Variants in WAPL observed in about 807,000 individuals in gnomAD.
WAPL encodes the protein wings apart-like protein homolog.
In WAPL, 5 loss-of-function variants were observed where a neutral mutation model predicts 121.0. That is an observed-to-expected ratio of 0.04 (90% CI 0.02 to 0.09). The LOEUF (loss-of-function observed/expected upper bound fraction) is 0.09, where lower values mean the gene tolerates loss of function less well. Ranked by LOEUF, WAPL falls within the 10% of genes least tolerant of loss-of-function variation. The pLI, the probability that WAPL is intolerant of heterozygous loss-of-function variation, is 1.00. For missense variants in WAPL, 999 were observed against 1,410.8 expected, an observed-to-expected ratio of 0.71 and a Z score of 4.68; for synonymous variants, 480 against 481.5, an observed-to-expected ratio of 1.00 and a Z score of 0.04.
chr10:86,460,335 T>G, intron 11 of WAPL, 64 bp downstream of exon 11: 1 of 1,328,086 alleles, frequency 7.5e-7, no homozygotes, highest in Non-Finnish European at 1.1e-6. Flanking sequence ...TGGCAGTCTC[T>G]CTCTTACACA....
intron 4 of WAPL, among the ~76,000 whole-genome samples, chr10:86,492,407 G>A (rs1419317402): frequency 6.6e-6 from 1 of 152,168 alleles, no homozygotes; most frequent in East Asian, 1.9e-4. Flanking sequence ...CATGCACGTG[G>A]TACTGGACTA....
chr10:86,494,000 C>A (rs1403457810), intron 4 of WAPL, among the ~76,000 whole-genome samples: 1 of 152,110 alleles, frequency 6.6e-6, no homozygotes, highest in Non-Finnish European at 1.5e-5. Flanking sequence ...AAGACTCTGC[C>A]TCAAAAAATA....
chr10:86,450,570 G>A (rs986375689), intron 15 of WAPL, among the ~76,000 whole-genome samples: 1 of 152,156 alleles, frequency 6.6e-6, no homozygotes, highest in Non-Finnish European at 1.5e-5. Flanking sequence ...AATAAATGTT[G>A]TCAATGGGAT....
intron 4 of WAPL, among the ~76,000 whole-genome samples, chr10:86,481,324 G>T (rs969722643): frequency 6.6e-6 from 1 of 152,114 alleles, no homozygotes; most frequent in Non-Finnish European, 1.5e-5. Context: ...AAATTTTAAA[G>T]GAGAGACAGT....
At chr10:86,508,901 GCCCGCC>G in intron 2 of WAPL, among the ~76,000 whole-genome samples, 1 of 151,820 alleles carries the variant, frequency 6.6e-6, no homozygotes, top group African/African-American at 2.4e-5. Flanking sequence ...GACTACAGGC[GCCCGCC>G]ACCACGCCCG....
chr10:86,489,318 C>CA (rs1285624450), intron 4 of WAPL, among the ~76,000 whole-genome samples: 1 of 152,160 alleles, frequency 6.6e-6, no homozygotes, highest in African/African-American at 2.4e-5. Flanking sequence ...ATTACTGGGA[C>CA]AAATGCTGAA....
intron 4 of WAPL, among the ~76,000 whole-genome samples, chr10:86,495,086 T>G (rs376255954): frequency 6.6e-6 from 1 of 152,178 alleles, no homozygotes; most frequent in African/African-American, 2.4e-5. Flanking sequence ...CAATTCAATC[T>G]ACAAGAATAA....
At chr10:86,517,254 G>C (rs911561465) in intron 2 of WAPL, among the ~76,000 whole-genome samples, 2 of 152,066 alleles carry the variant, frequency 1.3e-5, no homozygotes, top group African/African-American at 2.4e-5. Context: ...ATCCTCCACA[G>C]TAATAGAAAT....
intron 2 of WAPL, among the ~76,000 whole-genome samples, chr10:86,516,449 G>A (rs1019297984): frequency 3.9e-5 from 6 of 152,154 alleles, no homozygotes; most frequent in Admixed American, 3.3e-4. Flanking sequence ...GTACAGCCAA[G>A]TTTTGTCTGT....
intron 15 of WAPL, among the ~76,000 whole-genome samples, chr10:86,451,686 C>T (rs1248532450): frequency 6.6e-6 from 1 of 152,148 alleles, no homozygotes; most frequent in African/African-American, 2.4e-5. Flanking sequence ...AGTCACTGCG[C>T]CCAGCCTATA....
In WAPL at chr10:86,438,604, A is replaced by T. The variant is rs1008467485; in HGVS notation, c.3412-589T>A. Among the ~76,000 whole-genome samples, 3 of 152,354 alleles carry T rather than the reference A, an allele frequency of 2.0e-5. No homozygotes were observed. The East Asian group carries it at 5.8e-4, about 29-fold the overall frequency. On this transcript the variant is annotated intron_variant, in intron 17 of 18. Coordinates refer to ENST00000298767, the MANE Select transcript of WAPL (RefSeq NM_015045.5). ...CCTGAAATAACAAACTGCACTGTTT[A>T]ATGTATGTGTGTGTTTCACTGGGGG... is the stretch of plus-strand genomic sequence containing the variant.
chr10:86,437,564 A>G lies in WAPL; in HGVS notation c.3552T>C (p.Ile1184=). 6.2e-7 allele frequency: 1 copy of G among 1,614,012 alleles called. No individual in the cohort carries two copies. The highest frequency in any genetic ancestry group is 8.5e-7 in the Non-Finnish European group (1 of 1,179,962). Residue 1184 remains isoleucine, a synonymous_variant, in exon 19 of 19, where the codon ATT becomes ATC. Transcript: ENST00000298767. ...TTGQKSISRV[I]EYLEHC is the part of the protein sequence containing the mutation. ...GCAGCTAGCAATGTTCCAAATATTC[A>G]ATCACTCTAGAGATAGATTTCTGGC...
intron 17 of WAPL, among the ~76,000 whole-genome samples, chr10:86,439,848 G>C (rs1320292170): frequency 6.6e-6 from 1 of 152,224 alleles, no homozygotes; most frequent in Non-Finnish European, 1.5e-5. Flanking sequence ...CAATGCACCA[G>C]CTGCAAAGTG....
rs368689714 is a variant in WAPL at position 86,472,176 on chromosome 10, C to A, written c.2030+32G>T. ...TTGAAAAAATTTAATACAGCATGCA[C>A]ATAATTGTAAAATATAAAAATAAGA... On this transcript the variant is annotated intron_variant, in intron 7 of 18. Coordinates refer to ENST00000298767, the MANE Select transcript of WAPL (RefSeq NM_015045.5). The surrounding 1 kb of genome is among the most constrained non-coding windows in gnomAD (Gnocchi z 4.2). The A allele has an allele frequency of 6.6e-7, 1 of 1,525,430 alleles. No individual in the cohort carries two copies. Among genetic ancestry groups the A allele is most frequent in the Non-Finnish European group, 8.7e-7 (1 of 1,144,468 alleles). 94.5% of individuals were successfully genotyped at this position (1,525,430 alleles called of 1,614,324 possible).
chr10:86,479,351 G>A (rs1464748588), intron 4 of WAPL, among the ~76,000 whole-genome samples: 11 of 152,182 alleles, frequency 7.2e-5, no homozygotes, highest in South Asian at 6.2e-4. Flanking sequence ...TGCGCCTCCC[G>A]GGTTCAAGCG....
intron 12 of WAPL, among the ~76,000 whole-genome samples, chr10:86,457,407 C>T (rs1841175787): frequency 6.6e-6 from 1 of 150,514 alleles, no homozygotes; most frequent in Non-Finnish European, 1.5e-5. Flanking sequence ...AATCCCAACA[C>T]TTTGGGAGGC....
At chr10:86,459,545 T>C (rs775903238) in intron 11 of WAPL, among the ~76,000 whole-genome samples, 2 of 152,202 alleles carry the variant, frequency 1.3e-5, no homozygotes, top group African/African-American at 2.4e-5. Context: ...AACCTATGCA[T>C]CCTGAAATTA....
rs531456346 is a variant in WAPL, at chr10:86,493,867, G to C, written c.1644+3334C>G. 9.9e-5 allele frequency among the ~76,000 whole-genome samples: 15 copies of C among 152,258 alleles called. No individual in the cohort carries two copies. The East Asian group carries it at 2.7e-3, about 27-fold the overall frequency. On this transcript the variant is annotated intron_variant, in intron 4 of 18. Transcript: ENST00000298767. ...AAATACAAAAAATTAGCCAGGCATG[G>C]TGGCGCTTGCCTGTAGTCCCAGCTA...
intron 17 of WAPL, among the ~76,000 whole-genome samples, chr10:86,440,882 G>GAAAAAAAAAAA (rs10661246): frequency 7.7e-6 from 1 of 130,530 alleles, no homozygotes; most frequent in African/African-American, 2.9e-5. Context: ...TACACAAAGT[G>GAAAAAAAAAAA]AAAAAAAAAA....
Sources: gnomAD v4.1 joint callset for allele counts (sites outside exome capture counted in the v4.1 genomes callset) on GRCh38, gnomAD v4.1.1 for gene constraint, Gnocchi (gnomAD v3.1) non-coding constraint, MANE v1.5 for transcripts, NCBI Gene and HGNC (gene_info 2026-07-23, HGNC 2026-07-21) for gene names.